XPO4: variants seen among roughly 807,000 people sequenced by gnomAD.
The protein encoded by XPO4 is exportin 4.
XPO4 carries 39 observed loss-of-function variants against 143.0 expected under a neutral mutation model. The ratio of observed to expected loss-of-function variants is 0.27; its 90% CI spans 0.21 to 0.36. The LOEUF (loss-of-function observed/expected upper bound fraction) is 0.36. Among genes scored for constraint, XPO4 ranks in the 10% least tolerant of loss-of-function variants. XPO4 has a pLI of 1.00. For synonymous variants in XPO4, 439 were observed against 474.0 expected (o/e 0.93, Z 0.96); for missense variants, 907 against 1,348.0 (o/e 0.67, Z 5.12).
At chr13:20,802,453 A>G (rs2059447573) in intron 13 of XPO4, among the ~76,000 whole-genome samples, 1 of 152,174 alleles carries the variant, frequency 6.6e-6, no homozygotes, top group South Asian at 2.1e-4. Context: ...CAAAACAAAC[A>G]AATAAAACCC....
At chr13:20,851,958 G>C (rs2060094021) in intron 4 of XPO4, 3 of 985,226 alleles carry the variant, frequency 3.0e-6, no homozygotes, top group Non-Finnish European at 1.2e-6. Flanking sequence ...TAGTTTTTGT[G>C]CTGGGTCAAA....
intron 1 of XPO4, among the ~76,000 whole-genome samples, chr13:20,898,735 C>G (rs1010611561): frequency 4.6e-5 from 7 of 152,080 alleles, no homozygotes; most frequent in Non-Finnish European, 8.8e-5. Context: ...ATAAATAAAG[C>G]GCTCTTTGGA....
At chr13:20,857,794 G>A in intron 3 of XPO4, 1 of 948,224 alleles carries the variant, frequency 1.1e-6, no homozygotes, top group Non-Finnish European at 1.3e-6. Context: ...ATGCTGCAGA[G>A]TTAAGTGGCA....
At position 20,821,758 on chromosome 13, in the gene XPO4, G is replaced by A; in HGVS notation, c.1119C>T (p.Asn373=). Reference sequence around the variant, plus strand: ...AAGAACAAGTGAGGTGTGTGAGGCAGTTAACAAAGGAGGAGAAAAGTTCAC... The same window carrying A: ...AAGAACAAGTGAGGTGTGTGAGGCAATTAACAAAGGAGGAGAAAAGTTCAC... ...IPSELFSSFV[N]CLTHLTCSFG... The change falls in exon 9 of 23, where the codon AAC becomes AAT. Residue 373 remains asparagine, a synonymous_variant. Transcript: ENST00000255305. 3 of 1,614,072 alleles carry A rather than the reference G, an allele frequency of 1.9e-6. No homozygotes were observed. The Admixed American group carries it at 5.0e-5, about 27-fold the overall frequency.
intron 4 of XPO4, among the ~76,000 whole-genome samples, chr13:20,847,533 T>C (rs2060039925): frequency 6.6e-6 from 1 of 152,204 alleles, no homozygotes; most frequent in South Asian, 2.1e-4. Flanking sequence ...TTAAAGAATG[T>C]TCTTATCTGC....
intron 18 of XPO4, among the ~76,000 whole-genome samples, chr13:20,793,373 T>A (rs893034965): frequency 6.6e-6 from 1 of 152,226 alleles, no homozygotes; most frequent in African/African-American, 2.4e-5. Context: ...TTTCTTAACC[T>A]TATTATGACT....
chr13:20,889,180 A>C (rs1312727538), intron 1 of XPO4, among the ~76,000 whole-genome samples: 2 of 152,144 alleles, frequency 1.3e-5, no homozygotes, highest in Non-Finnish European at 2.9e-5. Context: ...AGTTTAAGTT[A>C]ATTAAAAATT....
chr13:20,839,255 C>A (rs1057251513), intron 6 of XPO4, among the ~76,000 whole-genome samples: 7 of 152,236 alleles, frequency 4.6e-5, no homozygotes, highest in Admixed American at 4.6e-4. Flanking sequence ...CAGAGTGAAA[C>A]TCCGTCTCAA....
At chr13:20,876,907 G>A (rs574749117) in intron 1 of XPO4, among the ~76,000 whole-genome samples, 6 of 152,300 alleles carry the variant, frequency 3.9e-5, no homozygotes, top group African/African-American at 9.6e-5. Flanking sequence ...GCAGGTTGCC[G>A]CTGCTGGCTG....
intron 1 of XPO4, among the ~76,000 whole-genome samples, chr13:20,893,322 G>A (rs2060535956): frequency 6.6e-6 from 1 of 152,150 alleles, no homozygotes; most frequent in Non-Finnish European, 1.5e-5. Flanking sequence ...GCCCTGGCTG[G>A]ACAACAAAGA....
At chr13:20,852,470 G>T in intron 4 of XPO4, 1 of 985,358 alleles carries the variant, frequency 1.0e-6, no homozygotes, top group Non-Finnish European at 1.2e-6. Flanking sequence ...ATGGCCATTA[G>T]TTTGGAAGCA....
At chr13:20,836,512 T>C (rs1014350236) in intron 6 of XPO4, among the ~76,000 whole-genome samples, 5 of 152,194 alleles carry the variant, frequency 3.3e-5, no homozygotes, top group African/African-American at 1.2e-4. Context: ...TGCTCCTTCT[T>C]GGACCACCTC....
intron 1 of XPO4, among the ~76,000 whole-genome samples, chr13:20,879,708 A>C (rs1249153055): frequency 1.3e-5 from 2 of 152,194 alleles, no homozygotes; most frequent in Non-Finnish European, 2.9e-5. Context: ...CCAAAAATGT[A>C]AAAAGGAGAC....
chr13:20,883,542 G>C (rs1345223440), intron 1 of XPO4, among the ~76,000 whole-genome samples: 1 of 152,142 alleles, frequency 6.6e-6, no homozygotes, highest in Non-Finnish European at 1.5e-5. Flanking sequence ...AACATTTTCA[G>C]GGTATTGAAA....
intron 9 of XPO4, among the ~76,000 whole-genome samples, chr13:20,818,413 T>C (rs1045403229): frequency 4.7e-5 from 7 of 150,458 alleles, no homozygotes; most frequent in Non-Finnish European, 1.0e-4. Flanking sequence ...CTTCTTCCTA[T>C]GAAGATGCTC....
In XPO4 at chr13:20,871,173, GT is replaced by G. The variant is rs376441565; in HGVS notation, c.70-2473del. Among the ~76,000 whole-genome samples, 133 of 151,806 alleles carry G rather than the reference GT, an allele frequency of 8.8e-4. 3 individuals are homozygous for G. In the South Asian group the frequency reaches 0.026, roughly 30 times the overall value. ...AACAAGATGAGTTTGTGGGGTTTTT[GT>G]TTTATTGCTTTGTTTTGTTTTCCTG... is the stretch of plus-strand genomic sequence containing the variant. On this transcript the variant is annotated intron_variant, in intron 1 of 22. Transcript: ENST00000255305.
intron 1 of XPO4, among the ~76,000 whole-genome samples, chr13:20,893,234 T>C (rs1451368353): frequency 6.6e-6 from 1 of 152,228 alleles, no homozygotes; most frequent in African/African-American, 2.4e-5. Flanking sequence ...CAACACTTAA[T>C]GGCACTTTTC....
intron 2 of XPO4, 151 bp from the exon 3 acceptor site, chr13:20,863,009 A>G: frequency 7.0e-7 from 1 of 1,434,414 alleles, no homozygotes; most frequent in Non-Finnish European, 9.1e-7. Context: ...CTAGCACCAC[A>G]AAGAGGTTAG....
Position 20,783,421 on chromosome 13 carries a change from ATG to A in XPO4, c.*299_*300del, listed in dbSNP as rs2059163506. 1.9e-5 allele frequency: 7 copies of A among 363,932 alleles called. No individual in the cohort carries two copies. In the East Asian group the frequency reaches 3.3e-4, roughly 17 times the overall value. 22.5% of individuals were successfully genotyped at this position (363,932 alleles called of 1,614,324 possible). ...GTTAAAAGGAAAAAAGGCACTGCAT[ATG>A]TATTTCGTGGTGCCCATATCTGTTT... is the stretch of plus-strand genomic sequence containing the variant. On this transcript the variant is annotated 3_prime_UTR_variant, in exon 23 of 23. Transcript: ENST00000255305.
Sources: allele counts gnomAD v4.1 joint callset (sites outside exome capture counted in the v4.1 genomes callset), GRCh38; gene constraint gnomAD v4.1.1; transcripts MANE v1.5; gene names NCBI Gene and HGNC (gene_info 2026-07-23, HGNC 2026-07-21).